Variants in SERPINB8 observed in about 807,000 individuals in gnomAD.
SERPINB8 encodes the protein serpin B8.
A neutral mutation model predicts 35.3 loss-of-function variants in SERPINB8; 25 were observed. The observed-to-expected ratio is 0.71, with a 90% CI of 0.52 to 0.99. The LOEUF (loss-of-function observed/expected upper bound fraction) is 0.99, where lower values mean the gene tolerates loss of function less well. SERPINB8 is among the 50% of genes least tolerant of loss of function. SERPINB8 has a pLI of 0.00. For missense variants in SERPINB8, 484 were observed against 446.5 expected (o/e 1.08, Z -0.76); for synonymous variants, 186 against 160.8 (o/e 1.16, Z -1.19).
intron 7 of SERPINB8, among the ~76,000 whole-genome samples, chr18:64,018,513 G>A (rs1307305416): frequency 6.6e-6 from 1 of 152,078 alleles, no homozygotes; most frequent in African/African-American, 2.4e-5. Flanking sequence ...AAAGTGGGTA[G>A]AAAAAATATT....
chr18:64,016,864 A>T (rs946826025), intron 7 of SERPINB8, among the ~76,000 whole-genome samples: 5 of 152,134 alleles, frequency 3.3e-5, no homozygotes, highest in Non-Finnish European at 7.4e-5. Flanking sequence ...AAGCCCTAAG[A>T]TTTGCATTAT....
At chr18:64,009,815 T>C (rs550265247), downstream of SERPINB8, among the ~76,000 whole-genome samples, 2 of 152,124 alleles carry the variant, frequency 1.3e-5, no homozygotes, top group Non-Finnish European at 2.9e-5. Context: ...ATAAGTTAAC[T>C]GTTGAAAAAA....
At position 63,988,210 on chromosome 18, in the gene SERPINB8, A is replaced by C. The variant is rs546238342; in HGVS notation, c.*932A>C. Reference sequence around the variant, plus strand: ...CATCCTTCCCTATTATGTGTATGCAAATAGAAATTTATAAGCATTTTACTA... The same window carrying C: ...CATCCTTCCCTATTATGTGTATGCACATAGAAATTTATAAGCATTTTACTA... On this transcript the variant is annotated 3_prime_UTR_variant, in exon 7 of 7. Transcript: ENST00000397985. 1.3e-5 allele frequency: 2 copies of C among 152,208 alleles called. No homozygotes were observed. The highest frequency in any genetic ancestry group is 2.9e-5 in the Non-Finnish European group (2 of 68,034). The allele number at this position is 152,208 out of a possible 1,614,324, so 9.4% of individuals were successfully genotyped here. A position where few individuals can be genotyped will look rare whatever the true frequency, so the allele number is the denominator to read the frequency against.
chr18:63,977,971 C>T (rs182045754), intron 1 of SERPINB8, among the ~76,000 whole-genome samples: 26 of 152,276 alleles, frequency 1.7e-4, no homozygotes, highest in African/African-American at 5.3e-4. Context: ...GCCCCTATCC[C>T]TCTGACCTCT....
chr18:63,986,157 T>G (rs2050750203), intron 6 of SERPINB8: 1 of 1,013,224 alleles, frequency 9.9e-7, no homozygotes, highest in African/African-American at 1.6e-5. Flanking sequence ...ACAATGCTCG[T>G]TGGAGAGGAG....
At chr18:63,978,911 G>T (rs922656380) in intron 2 of SERPINB8, among the ~76,000 whole-genome samples, 2 of 152,202 alleles carry the variant, frequency 1.3e-5, no homozygotes, top group African/African-American at 4.8e-5. Context: ...CCTAGAAGAG[G>T]AATGTAACAC....
At chr18:63,970,207 C>T in intron 1 of SERPINB8, 37 bp downstream of exon 1, 1 of 257,962 alleles carries the variant, frequency 3.9e-6, no homozygotes, top group Non-Finnish European at 7.6e-6. Flanking sequence ...GGGGCAGGCA[C>T]GGAGGTGCCC....
At chr18:63,972,823 CG>C (rs1285287982) in intron 1 of SERPINB8, among the ~76,000 whole-genome samples, 33 of 152,182 alleles carry the variant, frequency 2.2e-4, no homozygotes, top group East Asian at 9.7e-4. Flanking sequence ...ATGAACTCAT[CG>C]TTTTTTTATG....
chr18:64,000,723 G>C (rs1033490691), intron 1 of SERPINB8, among the ~76,000 whole-genome samples: 1 of 151,906 alleles, frequency 6.6e-6, no homozygotes, highest in Non-Finnish European at 1.5e-5. Context: ...CTCAATACTC[G>C]GTGCTTTTCC....
chr18:63,979,711 G>A, intron 2 of SERPINB8, 90 bp from the exon 3 acceptor site: 1 of 1,488,890 alleles, frequency 6.7e-7, no homozygotes, highest in Non-Finnish European at 9.2e-7. Flanking sequence ...GATCCTGTGT[G>A]GTTTTTTTAG....
chr18:63,978,173 G>A (rs2050611892), intron 1 of SERPINB8, 126 bp from the exon 2 acceptor site: 3 of 917,688 alleles, frequency 3.3e-6, no homozygotes, highest in South Asian at 2.9e-5. Flanking sequence ...GGAATTAGGA[G>A]TGGAAGTCTT....
At chr18:63,997,162 A>T (rs931519911) in intron 1 of SERPINB8, among the ~76,000 whole-genome samples, 6 of 152,240 alleles carry the variant, frequency 3.9e-5, no homozygotes, top group African/African-American at 2.4e-5. Context: ...GTCAGCCAAA[A>T]GGCACATACA....
rs747631108 is a variant in SERPINB8, at chr18:63,998,603, GCTAT to G, written c.71-6213_71-6210del. Among the ~76,000 whole-genome samples the G allele has an allele frequency of 1.1e-4, 16 of 152,144 alleles. 1 individual carries two copies. The highest frequency in any genetic ancestry group is 2.7e-4 in the African/African-American group (11 of 41,420). On this transcript the variant is annotated intron_variant, in intron 1 of 1. Coordinates refer to the SERPINB8 transcript ENST00000493661. Reference sequence around the variant, plus strand: ...TCATTTGTGCTGTGTGATTGATTGGGCTATCTGTCTCTTTCCCTCAGTTGCACAC... The same window carrying G: ...TCATTTGTGCTGTGTGATTGATTGGGCTGTCTCTTTCCCTCAGTTGCACAC...
At chr18:63,982,901 C>T (rs758245552) in intron 4 of SERPINB8, among the ~76,000 whole-genome samples, 19 of 152,022 alleles carry the variant, frequency 1.2e-4, no homozygotes, top group Non-Finnish European at 2.4e-4. Context: ...CCCCTCTATT[C>T]TACCCCCCTA....
chr18:64,007,488 T>G (rs1460486149), downstream of SERPINB8, among the ~76,000 whole-genome samples: 1 of 152,218 alleles, frequency 6.6e-6, no homozygotes, highest in Non-Finnish European at 1.5e-5. Flanking sequence ...ATAAAGCTAA[T>G]ATAACTTTGA....
At position 63,986,893 on chromosome 18, in the gene SERPINB8, A is replaced by G. The variant is rs755208957; in HGVS notation, c.740A>G (p.Tyr247Cys). ...TCCTAGGTGGAAAAAGCACTTACAT[A>G]TGAGAAATTCAAAGCCTGGACAAAT... Reference protein sequence around the residue: ...DLAVVEKALTYEKFKAWTNSE... With the variant: ...DLAVVEKALTCEKFKAWTNSE... Residue 247 changes from tyrosine to cysteine, a missense_variant, in exon 7 of 7, where the codon TAT (tyrosine) becomes TGT (cysteine). Physicochemically the swap from Tyr to Cys is radical, Grantham distance 194. Transcript: ENST00000397985. 8.7e-6 allele frequency: 14 copies of G among 1,610,738 alleles called. No homozygotes were observed. Among genetic ancestry groups the G allele is most frequent in the African/African-American group, 1.3e-5 (1 of 74,534 alleles).
At chr18:64,010,132 A>T (rs986450164), downstream of SERPINB8, among the ~76,000 whole-genome samples, 1 of 152,164 alleles carries the variant, frequency 6.6e-6, no homozygotes, top group African/African-American at 2.4e-5. Flanking sequence ...AGATCTGAAC[A>T]GCTACTTCAC....
chr18:64,013,755 C>G (rs2050936616), intron 7 of SERPINB8, among the ~76,000 whole-genome samples: 1 of 152,102 alleles, frequency 6.6e-6, no homozygotes. Flanking sequence ...TTGGGTAAGG[C>G]TATGTTAATG....
intron 4 of SERPINB8, among the ~76,000 whole-genome samples, 160 bp downstream of exon 4, chr18:63,981,998 T>G (rs999120257): frequency 3.9e-5 from 6 of 152,190 alleles, no homozygotes; most frequent in Non-Finnish European, 8.8e-5. Context: ...ACTCTGTCAT[T>G]TCTTATCAGA....
Sources: allele counts gnomAD v4.1 joint callset (sites outside exome capture counted in the v4.1 genomes callset), GRCh38; gene constraint gnomAD v4.1.1; transcripts MANE v1.5; gene names NCBI Gene and HGNC (gene_info 2026-07-23, HGNC 2026-07-21).